ACBD7: variants seen among roughly 807,000 people sequenced by gnomAD.
ACBD7 encodes the protein acyl-CoA-binding domain-containing protein 7.
ACBD7 carries 11 observed loss-of-function variants against 13.7 expected under a neutral mutation model. The ratio of observed to expected loss-of-function variants is 0.80; its 90% CI spans 0.50 to 1.33. The LOEUF (loss-of-function observed/expected upper bound fraction) is 1.33. Ranked by LOEUF, ACBD7 falls within the 40% of genes most tolerant of loss-of-function variation. The pLI is 0.00. For missense variants in ACBD7, 111 were observed against 103.0 expected (o/e 1.08, Z -0.33); for synonymous variants, 43 against 37.7 (o/e 1.14, Z -0.51).
At chr10:15,086,363 T>G (rs1844808467) in intron 1 of ACBD7, among the ~76,000 whole-genome samples, 1 of 152,034 alleles carries the variant, frequency 6.6e-6, no homozygotes, top group African/African-American at 2.4e-5. Context: ...GCATTATTAG[T>G]AGATAATATC....
In ACBD7 at chr10:15,078,338, A is replaced by AAAT. The variant is rs1341811690; in HGVS notation, c.*191_*192insATT. The AAAT allele has an allele frequency of 2.6e-5, 37 of 1,431,474 alleles. No individual in the cohort carries two copies. The Admixed American group carries it at 7.1e-4, about 28-fold the overall frequency. The allele number at this position is 1,431,474 out of a possible 1,614,324, so 88.7% of individuals were successfully genotyped here. A position where few individuals can be genotyped will look rare whatever the true frequency, so the allele number is the denominator to read the frequency against. The stretch of plus-strand genomic sequence containing the variant: ...CCACATTTTCTTAAAAAGAACTTTT[A>AAAT]AAGACACCTGGTTTAAGCAAGTACA... On this transcript the variant is annotated 3_prime_UTR_variant, in exon 4 of 4. Coordinates refer to ENST00000356189, the MANE Select transcript of ACBD7 (RefSeq NM_001039844.3).
intron 1 of ACBD7, among the ~76,000 whole-genome samples, chr10:15,083,461 G>A (rs1048267785): frequency 6.6e-6 from 1 of 152,178 alleles, no homozygotes; most frequent in Non-Finnish European, 1.5e-5. Flanking sequence ...GCCTCTTTTT[G>A]TGCTAGGGTT....
At chr10:15,081,785 T>G (rs1844753003) in intron 1 of ACBD7, among the ~76,000 whole-genome samples, 1 of 152,154 alleles carries the variant, frequency 6.6e-6, no homozygotes, top group South Asian at 2.1e-4. Flanking sequence ...GAGATCAGGG[T>G]CTTCAGCCTA....
In ACBD7 at chr10:15,076,986, G is replaced by A; in HGVS notation, c.*1544C>T. The stretch of plus-strand genomic sequence containing the variant: ...AAGGGAATGCTTATACACTATTGGT[G>A]GGAATGTAAATTAGTACAACCTCTA... On this transcript the variant is annotated 3_prime_UTR_variant, in exon 4 of 4. Coordinates refer to ENST00000356189, the MANE Select transcript of ACBD7 (RefSeq NM_001039844.3). The A allele has an allele frequency of 1.1e-6, 1 of 948,422 alleles. No homozygotes were observed. Among genetic ancestry groups the A allele is most frequent in the Non-Finnish European group, 1.3e-6 (1 of 796,392 alleles). 58.8% of individuals were successfully genotyped at this position (948,422 alleles called of 1,614,324 possible).
rs1452688657 is a variant in ACBD7, at chr10:15,075,850, T to A, written c.*2680A>T. Among the ~76,000 whole-genome samples the A allele has an allele frequency of 6.6e-6, 1 of 151,932 alleles. No homozygotes were observed. Among genetic ancestry groups the A allele is most frequent in the Non-Finnish European group, 1.5e-5 (1 of 67,988 alleles). ...TTAGCTGGGCATGGTTGCACGCACCTGTAGTCCCAGCTACTCTGGAGGCTG... is the reference window on the plus strand; with the variant it reads ...TTAGCTGGGCATGGTTGCACGCACCAGTAGTCCCAGCTACTCTGGAGGCTG... On this transcript the variant is annotated 3_prime_UTR_variant, in exon 4 of 4. Coordinates refer to ENST00000356189, the MANE Select transcript of ACBD7 (RefSeq NM_001039844.3).
At chr10:15,086,123 C>T (rs890574988) in intron 1 of ACBD7, among the ~76,000 whole-genome samples, 1 of 152,054 alleles carries the variant, frequency 6.6e-6, no homozygotes, top group Non-Finnish European at 1.5e-5. Flanking sequence ...GCCTGGCCAA[C>T]ATGGTGAAAC....
At chr10:15,079,070 G>C in intron 1 of ACBD7, 30 bp from the exon 2 acceptor site, 1 of 1,515,050 alleles carries the variant, frequency 6.6e-7, no homozygotes, top group South Asian at 1.2e-5. Flanking sequence ...ACAAACAAAA[G>C]GAGCATTTTA....
In ACBD7 at chr10:15,076,229, C is replaced by T; in HGVS notation, c.*2301G>A. 1.0e-6 allele frequency: 1 copy of T among 985,252 alleles called. No homozygotes were observed. The highest frequency in any genetic ancestry group is 1.2e-6 in the Non-Finnish European group (1 of 829,894). The allele number at this position is 985,252 out of a possible 1,614,324, so 61.0% of individuals were successfully genotyped here. A position where few individuals can be genotyped will look rare whatever the true frequency, so the allele number is the denominator to read the frequency against. ...GATATTTATCTTAAGGGATCTCAAA[C>T]AATTTTTTGAATTGTTAACATGAGA... is the stretch of plus-strand genomic sequence containing the variant. On this transcript the variant is annotated 3_prime_UTR_variant, in exon 4 of 4. Coordinates refer to ENST00000356189, the MANE Select transcript of ACBD7 (RefSeq NM_001039844.3).
chr10:15,076,820 T>C lies in ACBD7; in HGVS notation c.*1710A>G. 3 of 985,394 alleles carry C rather than the reference T, an allele frequency of 3.0e-6. No homozygotes were observed. Among genetic ancestry groups the C allele is most frequent in the African/African-American group, 1.7e-5 (1 of 57,354 alleles). The allele number at this position is 985,394 out of a possible 1,614,324, so 61.0% of individuals were successfully genotyped here. A position where few individuals can be genotyped will look rare whatever the true frequency, so the allele number is the denominator to read the frequency against. ...GCTCAGCCTTGCCATTGATTCTTAA[T>C]AACCTGTTTTTATTTCACCAGTAAC... On this transcript the variant is annotated 3_prime_UTR_variant, in exon 4 of 4. Coordinates refer to ENST00000356189, the MANE Select transcript of ACBD7 (RefSeq NM_001039844.3).
rs11259463 is a variant in ACBD7 at position 15,079,050 on chromosome 10, G to A, written c.13-10C>T. The A allele has an allele frequency of 4.0e-3, 6,340 of 1,589,332 alleles. 251 individuals are homozygous for A. The African/African-American group carries it at 0.077, about 19-fold the overall frequency. On this transcript the variant is annotated splice_polypyrimidine_tract_variant and intron_variant, in intron 1 of 3. Coordinates refer to ENST00000356189, the MANE Select transcript of ACBD7 (RefSeq NM_001039844.3). ...CCCTGTCAAAATCAGCCTAAAGGAA[G>A]AACAAACAAACAAACAAAAGGAGCA...
At chr10:15,082,268 A>C (rs1206356362) in intron 1 of ACBD7, among the ~76,000 whole-genome samples, 1 of 147,880 alleles carries the variant, frequency 6.8e-6, no homozygotes, top group Admixed American at 6.8e-5. Flanking sequence ...CCTGGGCAAC[A>C]GAGCAAGACT....
Position 15,078,299 on chromosome 10 carries a change from A to G in ACBD7, c.*231T>C. 7.5e-7 allele frequency: 1 copy of G among 1,327,586 alleles called. No individual in the cohort carries two copies. Among genetic ancestry groups the G allele is most frequent in the South Asian group, 1.8e-5 (1 of 56,944 alleles). 82.2% of individuals were successfully genotyped at this position (1,327,586 alleles called of 1,614,324 possible). A position where few individuals can be genotyped will look rare whatever the true frequency, so the allele number is the denominator to read the frequency against. On this transcript the variant is annotated 3_prime_UTR_variant, in exon 4 of 4. Coordinates refer to ENST00000356189, the MANE Select transcript of ACBD7 (RefSeq NM_001039844.3). ...CCTTTTTATGGCTCCATAGTATTCC[A>G]TGGTGTATATGTGCCACATTTTCTT...
rs1300309502 is a variant in ACBD7, at chr10:15,088,306, C to T, written c.12+411G>A. ...ACCCTTAACAATTTTTTTCACATAC[C>T]TATAAAACAGTATTTTTAAATTGGA... On this transcript the variant is annotated intron_variant, in intron 1 of 3. Transcript: ENST00000356189. 10 of 206,384 alleles carry T rather than the reference C, an allele frequency of 4.8e-5. 1 individual carries two copies. The highest frequency in any genetic ancestry group is 7.7e-5 in the Non-Finnish European group (8 of 103,880). 12.8% of individuals were successfully genotyped at this position (206,384 alleles called of 1,614,324 possible).
At chr10:15,083,394 G>A (rs763768955) in intron 1 of ACBD7, among the ~76,000 whole-genome samples, 1 of 152,204 alleles carries the variant, frequency 6.6e-6, no homozygotes, top group Non-Finnish European at 1.5e-5. Context: ...CCTGGGACTC[G>A]ATGCAACAAA....
At chr10:15,087,337 T>C (rs769611160) in intron 1 of ACBD7, among the ~76,000 whole-genome samples, 124 of 152,290 alleles carry the variant, frequency 8.1e-4, no homozygotes, top group Non-Finnish European at 1.5e-3. Flanking sequence ...GTTAACTATG[T>C]CACAGGCTAA....
Position 15,076,357 on chromosome 10 carries a change from G to A in ACBD7, c.*2173C>T. The A allele has an allele frequency of 1.0e-6, 1 of 985,180 alleles. No individual in the cohort carries two copies. The highest frequency in any genetic ancestry group is 1.2e-6 in the Non-Finnish European group (1 of 829,814). 61.0% of individuals were successfully genotyped at this position (985,180 alleles called of 1,614,324 possible). On this transcript the variant is annotated 3_prime_UTR_variant, in exon 4 of 4. Coordinates refer to ENST00000356189, the MANE Select transcript of ACBD7 (RefSeq NM_001039844.3). ...TTACTCAGATAGAACTGAACATATG[G>A]GGTACAGTAGTGGTACAGTTTATCA...
chr10:15,084,284 T>G (rs1302211203), intron 1 of ACBD7, among the ~76,000 whole-genome samples: 3 of 152,236 alleles, frequency 2.0e-5, no homozygotes, highest in Non-Finnish European at 1.5e-5. Context: ...GGCGTGAGCC[T>G]GGTCTGAGTC....
chr10:15,083,915 A>C (rs748443122), intron 1 of ACBD7, among the ~76,000 whole-genome samples: 10 of 152,258 alleles, frequency 6.6e-5, no homozygotes, highest in Non-Finnish European at 1.3e-4. Context: ...GCAGATGGGC[A>C]TGCACAAGGC....
chr10:15,081,455 G>C (rs977330442), intron 1 of ACBD7, among the ~76,000 whole-genome samples: 1 of 152,184 alleles, frequency 6.6e-6, no homozygotes, highest in Non-Finnish European at 1.5e-5. Flanking sequence ...TCCAGAGGAA[G>C]GTCTTCAGAT....
Sources: allele counts gnomAD v4.1 joint callset (sites outside exome capture counted in the v4.1 genomes callset), GRCh38; gene constraint gnomAD v4.1.1; transcripts MANE v1.5; gene names NCBI Gene and HGNC (gene_info 2026-07-23, HGNC 2026-07-21).